The following C6orf52 variants were observed in gnomAD, a reference collection of about 807,000 sequenced individuals.
The protein encoded by C6orf52 is putative uncharacterized protein C6orf52.
In C6orf52, 16 loss-of-function variants were observed where a neutral mutation model predicts 16.6. The observed-to-expected ratio is 0.96, with a 90% CI of 0.65 to 1.46. The LOEUF is 1.46. Ranked by LOEUF, C6orf52 falls within the 40% of genes most tolerant of loss-of-function variation. The pLI is 0.00. For synonymous variants in C6orf52, 53 were observed against 61.4 expected (o/e 0.86, Z 0.64); for missense variants, 166 against 182.3 (o/e 0.91, Z 0.52).
rs562701147 is a variant in C6orf52 at position 10,680,253 on chromosome 6, GA to G, written c.316+2933del. On this transcript the variant is annotated intron_variant, in intron 4 of 4. Coordinates refer to ENST00000259983, the MANE Select transcript of C6orf52 (RefSeq NM_001145020.3). ...TGACAGAGTGAGACCCTATCTCCAG[GA>G]AAAAAAAAAGAAAAATAATGTTTTT... Among the ~76,000 whole-genome samples the G allele has an allele frequency of 1.4e-4, 21 of 147,574 alleles. No homozygotes were observed. In the East Asian group the frequency reaches 3.8e-3, roughly 26 times the overall value.
Position 10,691,562 on chromosome 6 carries a change from T to C in C6orf52, c.-12+2932A>G, listed in dbSNP as rs553460870. ...CCAGGCCCAGAGTGTGGTGCCGAGC[T>C]GTCTGCTTGTGGATTTCATTTCTGC... On this transcript the variant is annotated intron_variant, in intron 1 of 4. Transcript: ENST00000259983. 2.4e-3 allele frequency among the ~76,000 whole-genome samples: 361 copies of C among 152,258 alleles called. 3 individuals are homozygous for C. The highest frequency in any genetic ancestry group is 8.2e-3 in the African/African-American group (339 of 41,546).
At chr6:10,690,635 G>A (rs988509257) in intron 1 of C6orf52, among the ~76,000 whole-genome samples, 4 of 152,084 alleles carry the variant, frequency 2.6e-5, no homozygotes, top group South Asian at 2.1e-4. Context: ...TTAACAAACC[G>A]AAGCTAAGCA....
chr6:10,689,330 G>A (rs1339289286), intron 1 of C6orf52, among the ~76,000 whole-genome samples: 1 of 152,216 alleles, frequency 6.6e-6, no homozygotes, highest in Non-Finnish European at 1.5e-5. Context: ...CACAGACGCT[G>A]AGGGCCGATG....
intron 1 of C6orf52, among the ~76,000 whole-genome samples, chr6:10,693,105 A>G (rs1769493585): frequency 6.6e-6 from 1 of 152,216 alleles, no homozygotes; most frequent in Non-Finnish European, 1.5e-5. Context: ...TAACTGCGGG[A>G]CATGCTCACA....
At chr6:10,673,985 T>C (rs1021016711) in intron 4 of C6orf52, among the ~76,000 whole-genome samples, 2 of 152,096 alleles carry the variant, frequency 1.3e-5, no homozygotes, top group Non-Finnish European at 2.9e-5. Context: ...GCTAACAACA[T>C]ATCAGAAACT....
intron 1 of C6orf52, among the ~76,000 whole-genome samples, chr6:10,691,046 TA>T (rs1769248497): frequency 6.6e-6 from 1 of 152,298 alleles, no homozygotes; most frequent in East Asian, 1.9e-4. Context: ...CGAGGACACA[TA>T]AAAAAGAGCA....
chr6:10,684,266 C>T (rs1392792026), intron 3 of C6orf52, among the ~76,000 whole-genome samples: 1 of 152,140 alleles, frequency 6.6e-6, no homozygotes, highest in Non-Finnish European at 1.5e-5. Flanking sequence ...TATGATGGCA[C>T]CACTGCACTC....
intron 4 of C6orf52, among the ~76,000 whole-genome samples, chr6:10,679,775 C>T (rs1054813259): frequency 6.6e-6 from 1 of 152,154 alleles, no homozygotes; most frequent in African/African-American, 2.4e-5. Context: ...TGAAAGTGGG[C>T]ATCCTTATCT....
intron 4 of C6orf52, among the ~76,000 whole-genome samples, chr6:10,672,006 G>A (rs1364565192): frequency 6.6e-6 from 1 of 152,196 alleles, no homozygotes; most frequent in African/African-American, 2.4e-5. Flanking sequence ...AAATACACAT[G>A]CTACTTTAAC....
chr6:10,671,454 C>A lies in C6orf52; in HGVS notation c.*2G>T. 6.5e-7 allele frequency: 1 copy of A among 1,530,252 alleles called. No individual in the cohort carries two copies. Among genetic ancestry groups the A allele is most frequent in the Non-Finnish European group, 8.8e-7 (1 of 1,141,400 alleles). The allele number at this position is 1,530,252 out of a possible 1,614,324, so 94.8% of individuals were successfully genotyped here. ...ATTGCGGAGTTTAATGAACACCTTG[C>A]TTCACTTCGGGGTCTCATCTGGGAT... On this transcript the variant is annotated 3_prime_UTR_variant, in exon 5 of 5. Coordinates refer to ENST00000259983, the MANE Select transcript of C6orf52 (RefSeq NM_001145020.3).
At chr6:10,672,077 G>A (rs1299278277) in intron 4 of C6orf52, among the ~76,000 whole-genome samples, 1 of 152,170 alleles carries the variant, frequency 6.6e-6, no homozygotes, top group Admixed American at 6.6e-5. Flanking sequence ...AAAGACAGGA[G>A]GACTTGGCCT....
Position 10,694,599 on chromosome 6 carries a change from A to AT in C6orf52, c.-118_-117insA. 2 of 178,264 alleles carry AT rather than the reference A, an allele frequency of 1.1e-5. No homozygotes were observed. Among genetic ancestry groups the AT allele is most frequent in the South Asian group, 1.0e-4 (1 of 9,758 alleles). The allele number at this position is 178,264 out of a possible 1,614,324, so 11.0% of individuals were successfully genotyped here. A position where few individuals can be genotyped will look rare whatever the true frequency, so the allele number is the denominator to read the frequency against. ...CACGCTGCCGGCGCTACAGCCCCTA[A>AT]GCAACCGGCCGGAAGTCGGCCCCAC... On this transcript the variant is annotated 5_prime_UTR_variant, in exon 1 of 5. Coordinates refer to ENST00000259983, the MANE Select transcript of C6orf52 (RefSeq NM_001145020.3).
intron 4 of C6orf52, among the ~76,000 whole-genome samples, chr6:10,674,399 TAC>T (rs779944803): frequency 2.0e-5 from 3 of 152,216 alleles, no homozygotes; most frequent in Non-Finnish European, 4.4e-5. Flanking sequence ...TTAATTTGGC[TAC>T]TAAAAAATTT....
chr6:10,687,443 A>C (rs1768950991), intron 2 of C6orf52, 37 bp downstream of exon 2: 2 of 1,410,048 alleles, frequency 1.4e-6, no homozygotes, highest in Non-Finnish European at 9.8e-7. Flanking sequence ...TAGAACAGTA[A>C]CAGCTTTCCT....
chr6:10,694,625 C>CGTA, upstream of C6orf52: 6 of 187,414 alleles, frequency 3.2e-5, no homozygotes, highest in South Asian at 3.0e-4. Context: ...TCGGCCCCAC[C>CGTA]TCCTCCTGAT....
intron 4 of C6orf52, among the ~76,000 whole-genome samples, chr6:10,681,907 T>C (rs1444847449): frequency 6.6e-6 from 1 of 152,180 alleles, no homozygotes; most frequent in Non-Finnish European, 1.5e-5. Context: ...GGTGAAAAAT[T>C]CCATCTTTTA....
chr6:10,674,639 C>CTTTTTTTTT (rs78122068), intron 4 of C6orf52: 1 of 126,340 alleles, frequency 7.9e-6, no homozygotes, highest in African/African-American at 2.9e-5. Flanking sequence ...TTCTTTCTTT[C>CTTTTTTTTT]TTTTTTTTTT....
chr6:10,682,377 C>T (rs1768473847), intron 4 of C6orf52, among the ~76,000 whole-genome samples: 1 of 152,170 alleles, frequency 6.6e-6, no homozygotes, highest in Non-Finnish European at 1.5e-5. Flanking sequence ...TACAACTGCT[C>T]AACAGCATAT....
At chr6:10,675,380 G>C (rs1767788177) in intron 4 of C6orf52, among the ~76,000 whole-genome samples, 1 of 152,082 alleles carries the variant, frequency 6.6e-6, no homozygotes, top group African/African-American at 2.4e-5. Context: ...TTTTACAGTT[G>C]AATAGTATTC....
Sources: allele counts gnomAD v4.1 joint callset (sites outside exome capture counted in the v4.1 genomes callset), GRCh38; gene constraint gnomAD v4.1.1; transcripts MANE v1.5; gene names NCBI Gene and HGNC (gene_info 2026-07-23, HGNC 2026-07-21).